AFG2A: variants seen among roughly 807,000 people sequenced by gnomAD.
The protein encoded by AFG2A is ATPase family gene 2 protein homolog A.
the AFG2A span, among the ~76,000 whole-genome samples, chr4:122,957,258 T>C: frequency 1.3e-5 from 2 of 152,204 alleles, no homozygotes; most frequent in South Asian, 2.1e-4. Flanking sequence ...TACACTTATG[T>C]AGTTAGGGTT....
chr4:123,288,705 A>T, the AFG2A span, among the ~76,000 whole-genome samples: 1 of 152,128 alleles, frequency 6.6e-6, no homozygotes, highest in African/African-American at 2.4e-5. Context: ...GCCTCCCAAG[A>T]TGGACAGTTC....
At chr4:122,941,610 C>T in the AFG2A span, among the ~76,000 whole-genome samples, 4 of 152,162 alleles carry the variant, frequency 2.6e-5, no homozygotes, top group African/African-American at 7.2e-5. Flanking sequence ...CTTTTCCTAA[C>T]TGAATACCCT....
At chr4:123,203,618 TG>T in the AFG2A span, among the ~76,000 whole-genome samples, 6 of 152,248 alleles carry the variant, frequency 3.9e-5, no homozygotes, top group Non-Finnish European at 8.8e-5. Flanking sequence ...CACTGCTTTA[TG>T]GATGTACCAG....
the AFG2A span, among the ~76,000 whole-genome samples, chr4:123,221,349 G>C: frequency 6.6e-6 from 1 of 152,000 alleles, no homozygotes; most frequent in Admixed American, 6.6e-5. Flanking sequence ...TTTTTGTAGA[G>C]ATGTGGTCTC....
the AFG2A span, among the ~76,000 whole-genome samples, chr4:123,031,105 C>T: frequency 4.7e-4 from 71 of 152,168 alleles, no homozygotes; most frequent in Non-Finnish European, 9.6e-4. Context: ...CAATACCATA[C>T]AGCTTATGTA....
chr4:123,102,118 G>T, the AFG2A span: 1 of 151,642 alleles, frequency 6.6e-6, no homozygotes, highest in Non-Finnish European at 1.5e-5. Flanking sequence ...TTATATAAAA[G>T]GATGTTACTT....
the AFG2A span, among the ~76,000 whole-genome samples, chr4:123,087,901 C>T: frequency 3.9e-5 from 6 of 152,144 alleles, no homozygotes; most frequent in African/African-American, 9.7e-5. Flanking sequence ...CGAAGACTTC[C>T]GAGCTCTTAA....
At chr4:123,119,294 T>C in the AFG2A span, among the ~76,000 whole-genome samples, 2 of 152,170 alleles carry the variant, frequency 1.3e-5, no homozygotes. Context: ...TAAATTTTCA[T>C]TGAATGGAAT....
the AFG2A span, chr4:122,935,711 C>A: frequency 6.4e-7 from 1 of 1,561,618 alleles, no homozygotes. Flanking sequence ...CTTTTTCTTC[C>A]AGGAATTCCT....
At chr4:122,979,407 A>G in the AFG2A span, 1 of 1,607,738 alleles carries the variant, frequency 6.2e-7, no homozygotes, top group Non-Finnish European at 8.5e-7. Flanking sequence ...TATGTCCCAC[A>G]CTAGCTACAC....
At chr4:123,174,341 A>G in the AFG2A span, among the ~76,000 whole-genome samples, 13 of 152,364 alleles carry the variant, frequency 8.5e-5, no homozygotes, top group Non-Finnish European at 1.9e-4. Flanking sequence ...GGTTAAATGA[A>G]GAGCTATAAC....
the AFG2A span, among the ~76,000 whole-genome samples, chr4:123,172,272 A>G: frequency 6.6e-6 from 1 of 152,218 alleles, no homozygotes; most frequent in Admixed American, 6.5e-5. Context: ...CTTTATAAAA[A>G]TTGTTATAGC....
the AFG2A span, among the ~76,000 whole-genome samples, chr4:123,033,267 A>G: frequency 6.6e-6 from 1 of 152,188 alleles, no homozygotes; most frequent in Non-Finnish European, 1.5e-5. Context: ...TGGCACTGAA[A>G]TTTAGTCTCA....
At chr4:122,934,741 A>G in the AFG2A span, 2 of 1,552,464 alleles carry the variant, frequency 1.3e-6, no homozygotes, top group South Asian at 1.3e-5. Flanking sequence ...GAGTTATGGT[A>G]TGATGTCTTC....
chr4:123,237,642 C>G, the AFG2A span, among the ~76,000 whole-genome samples: 1 of 138,100 alleles, frequency 7.2e-6, no homozygotes, highest in Non-Finnish European at 1.5e-5. Context: ...CACTGCACTC[C>G]AGCCTGGGCG....
the AFG2A span, among the ~76,000 whole-genome samples, chr4:123,067,234 T>C: frequency 2.6e-5 from 4 of 152,114 alleles, no homozygotes; most frequent in South Asian, 8.3e-4. Flanking sequence ...TTTAAGAAAA[T>C]GAGGCTGGGC....
the AFG2A span, among the ~76,000 whole-genome samples, chr4:123,069,494 A>AAGG: frequency 3.3e-5 from 5 of 151,510 alleles, no homozygotes; most frequent in African/African-American, 9.7e-5. Flanking sequence ...ATACACAAAG[A>AAGG]AGGAGTGTAG....
the AFG2A span, among the ~76,000 whole-genome samples, chr4:122,996,926 C>A: frequency 4.6e-5 from 7 of 151,986 alleles, no homozygotes; most frequent in Non-Finnish European, 8.8e-5. Flanking sequence ...CAAATTTTGC[C>A]TTTTTACTGC....
the AFG2A span, among the ~76,000 whole-genome samples, chr4:123,259,149 G>A: frequency 6.6e-6 from 1 of 152,192 alleles, no homozygotes; most frequent in African/African-American, 2.4e-5. Flanking sequence ...TTACAGGCAT[G>A]AGCCTCTGTG....
Sources: allele counts gnomAD v4.1 joint callset (sites outside exome capture counted in the v4.1 genomes callset), GRCh38; gene constraint gnomAD v4.1.1; transcripts MANE v1.5; gene names NCBI Gene and HGNC (gene_info 2026-07-23, HGNC 2026-07-21).